DRC1: variants seen among roughly 807,000 people sequenced by gnomAD.
DRC1 encodes the protein dynein regulatory complex subunit 1.
In DRC1, 74 loss-of-function variants were observed where a neutral mutation model predicts 98.7. That is an observed-to-expected ratio of 0.75 (90% CI 0.62 to 0.91). DRC1 has a LOEUF of 0.91. Among genes scored for constraint, DRC1 ranks in the 40% least tolerant of loss-of-function variants. The probability of loss-of-function intolerance (pLI) is 0.00; values close to 1 mark genes in which losing one functional copy is unlikely to be tolerated. For missense variants in DRC1, 875 were observed against 886.0 expected (o/e 0.99, Z 0.16); for synonymous variants, 336 against 334.1 (o/e 1.01, Z -0.06).
At chr2:26,442,531 TC>T (rs1323321530) in intron 8 of DRC1, among the ~76,000 whole-genome samples, 1 of 152,212 alleles carries the variant, frequency 6.6e-6, no homozygotes, top group Non-Finnish European at 1.5e-5. Context: ...GATAAGACAA[TC>T]TAGAAAATCC....
rs1190271619 is a variant in DRC1, at chr2:26,454,522, T to C, written c.1920-125T>C. 1 of 1,388,286 alleles carries C rather than the reference T, an allele frequency of 7.2e-7. No homozygotes were observed. The highest frequency in any genetic ancestry group is 9.8e-7 in the Non-Finnish European group (1 of 1,016,830). 86.0% of individuals were successfully genotyped at this position (1,388,286 alleles called of 1,614,324 possible). ...TCCTTTCTGAGAACCTGCCACCGTC[T>C]AATAAACTTGGACTGCTGAGTGGGA... On this transcript the variant is annotated intron_variant, in intron 14 of 16. Transcript: ENST00000288710. The surrounding 1 kb of genome is among the most constrained non-coding windows in gnomAD (Gnocchi z 5.2).
At chr2:26,430,568 C>T in intron 5 of DRC1, 1 of 632,794 alleles carries the variant, frequency 1.6e-6, no homozygotes, top group Non-Finnish European at 3.0e-6. Flanking sequence ...TGGCACATCT[C>T]CTCTCCGCAT....
At chr2:26,429,906 T>C (rs1485241983) in intron 5 of DRC1, 141 bp downstream of exon 5, 7 of 928,706 alleles carry the variant, frequency 7.5e-6, no homozygotes, top group South Asian at 3.8e-5. Flanking sequence ...GTTTTATTAA[T>C]TTATTTACTC....
intron 6 of DRC1, among the ~76,000 whole-genome samples, chr2:26,431,101 C>T (rs944135657): frequency 2.6e-5 from 4 of 151,780 alleles, no homozygotes; most frequent in African/African-American, 9.7e-5. Context: ...GCTGGGATTA[C>T]AGGCACACAC....
Position 26,429,765 on chromosome 2 carries a change from G to A in DRC1, c.678G>A (p.Glu226=). Residue 226 remains glutamate, a splice_region_variant and synonymous_variant, in exon 5 of 17, where the codon GAG becomes GAA. Transcript: ENST00000288710. ...TTCGTGAGGAGCTCTATAACATTGA[G>A]GTAACAGGGTGTGAAAAGACCTGGT... The part of the protein sequence containing the change: ...KTFREELYNI[E]KAFEVERQEL... The A allele has an allele frequency of 1.2e-6, 2 of 1,613,870 alleles. No individual in the cohort carries two copies. Among genetic ancestry groups the A allele is most frequent in the Non-Finnish European group, 1.7e-6 (2 of 1,179,852 alleles).
At chr2:26,438,963 A>G (rs139892687) in intron 7 of DRC1, among the ~76,000 whole-genome samples, 2 of 151,952 alleles carry the variant, frequency 1.3e-5, no homozygotes, top group African/African-American at 4.8e-5. Context: ...TTTTTCACAA[A>G]CTGTCAGGGT....
intron 7 of DRC1, among the ~76,000 whole-genome samples, chr2:26,439,565 C>T (rs115926034): frequency 0.019 from 2,936 of 152,018 alleles, 78 homozygotes; most frequent in African/African-American, 0.066. Context: ...TTAAATGAGC[C>T]TGGGTTGCTA....
chr2:26,444,142 G>T, intron 8 of DRC1, 80 bp from the exon 9 acceptor site: 2 of 1,590,758 alleles, frequency 1.3e-6, no homozygotes, highest in South Asian at 1.1e-5. Flanking sequence ...GTTTGTGGTA[G>T]AGCTGAATCA....
chr2:26,422,618 A>G (rs1000688641), intron 3 of DRC1, among the ~76,000 whole-genome samples: 4 of 152,338 alleles, frequency 2.6e-5, no homozygotes, highest in Middle Eastern at 3.4e-3. Context: ...AAACAATTAG[A>G]AGAACAACCA....
rs1300651859 is a variant in DRC1, at chr2:26,456,509, A to G, written c.2215A>G (p.Thr739Ala). ...VPPTQVLRVP[T>A]K is the part of the protein sequence containing the mutation. The stretch of plus-strand genomic sequence containing the variant: ...TCCCACTCAGGTGTTGCGGGTACCC[A>G]CAAAATGAGCTGGACCGCCAAAGGC... Residue 739 changes from threonine to alanine, a missense_variant, in exon 17 of 17, where the codon ACA (threonine) becomes GCA (alanine). Coordinates refer to ENST00000288710, the MANE Select transcript of DRC1 (RefSeq NM_145038.5). 2.0e-5 allele frequency: 32 copies of G among 1,614,116 alleles called. No individual in the cohort carries two copies. Among genetic ancestry groups the G allele is most frequent in the Non-Finnish European group, 2.7e-5 (32 of 1,179,992 alleles).
intron 2 of DRC1, among the ~76,000 whole-genome samples, chr2:26,418,687 T>TATAA (rs1558438301): frequency 4.5e-5 from 4 of 88,768 alleles, no homozygotes; most frequent in Non-Finnish European, 8.4e-5. Context: ...ATAATTTATA[T>TATAA]TATATATAAA....
In DRC1 at chr2:26,419,765, C is replaced by T. The variant is rs377040878; in HGVS notation, c.244-1523C>T. On this transcript the variant is annotated intron_variant, in intron 2 of 16. Transcript: ENST00000288710. ...AACTTAGGCATAACCTAAGGATACTCGAACTTTTTGTTGAGAGGATTTATC... is the reference window on the plus strand; with the variant it reads ...AACTTAGGCATAACCTAAGGATACTTGAACTTTTTGTTGAGAGGATTTATC... 2.8e-4 allele frequency among the ~76,000 whole-genome samples: 42 copies of T among 152,264 alleles called. No homozygotes were observed. In the South Asian group the frequency reaches 8.7e-3, roughly 32 times the overall value.
chr2:26,414,496 A>G, intron 2 of DRC1, 65 bp downstream of exon 2: 1 of 1,436,318 alleles, frequency 7.0e-7, no homozygotes, highest in Non-Finnish European at 9.7e-7. Context: ...CATGGTTTTC[A>G]CATTTAGACT....
At position 26,448,695 on chromosome 2, in the gene DRC1, G is replaced by A. The variant is rs749845377; in HGVS notation, c.1401G>A (p.Glu467=). 2 of 1,614,110 alleles carry A rather than the reference G, an allele frequency of 1.2e-6. No homozygotes were observed. The highest frequency in any genetic ancestry group is 1.7e-6 in the Non-Finnish European group (2 of 1,179,940). ...IVEEMLMRSE[E]EEAEEAAAEP... The stretch of plus-strand genomic sequence containing the variant: ...CTCCCCATGACCCAACTGCAGAAGA[G>A]GAGGAGGCAGAAGAGGCCGCCGCGG... The change falls in exon 11 of 17, where the codon GAG becomes GAA. Residue 467 remains glutamate (E), a synonymous_variant. Coordinates refer to ENST00000288710, the MANE Select transcript of DRC1 (RefSeq NM_145038.5).
At chr2:26,435,292 T>C (rs2147994399) in intron 7 of DRC1, among the ~76,000 whole-genome samples, 1 of 152,362 alleles carries the variant, frequency 6.6e-6, no homozygotes, top group South Asian at 2.1e-4. Context: ...GTAATCTTTA[T>C]TGATGACTCA....
intron 2 of DRC1, among the ~76,000 whole-genome samples, chr2:26,418,062 G>A (rs1678870862): frequency 6.6e-6 from 1 of 151,942 alleles, no homozygotes; most frequent in East Asian, 1.9e-4. Context: ...GACGATGGGG[G>A]TCCAGGTTCT....
chr2:26,424,693 C>T (rs1663239075), intron 4 of DRC1, among the ~76,000 whole-genome samples: 1 of 152,150 alleles, frequency 6.6e-6, no homozygotes, highest in Non-Finnish European at 1.5e-5. Context: ...GGTTCACTCC[C>T]ATAATCCCAG....
intron 3 of DRC1, 44 bp downstream of exon 3, chr2:26,421,444 C>A: frequency 1.9e-6 from 3 of 1,548,630 alleles, no homozygotes; most frequent in South Asian, 2.3e-5. Context: ...TGAAGGTAAT[C>A]TCCATGGGTC....
chr2:26,423,154 G>C (rs1572362634), intron 3 of DRC1, among the ~76,000 whole-genome samples: 2 of 152,164 alleles, frequency 1.3e-5, no homozygotes, highest in Non-Finnish European at 2.9e-5. Context: ...CTTGTGAAAG[G>C]CAGGGAAGGT....
Sources: allele counts gnomAD v4.1 joint callset (sites outside exome capture counted in the v4.1 genomes callset), GRCh38; gene constraint gnomAD v4.1.1; non-coding constraint Gnocchi (gnomAD v3.1); transcripts MANE v1.5; gene names NCBI Gene and HGNC (gene_info 2026-07-23, HGNC 2026-07-21).